Variants in FBXO34 observed in about 807,000 individuals in gnomAD.
The protein encoded by FBXO34 is F-box protein 34, also known as F-box only protein 34.
Under a neutral mutation model 24.5 loss-of-function variants are expected in FBXO34, and 12 were observed. That is an observed-to-expected ratio of 0.49 (90% CI 0.31 to 0.79). The LOEUF (loss-of-function observed/expected upper bound fraction) is 0.79, where lower values mean the gene tolerates loss of function less well. Ranked by LOEUF, FBXO34 falls within the 30% of genes least tolerant of loss-of-function variation. FBXO34 has a pLI of 0.04. For synonymous variants in FBXO34, 320 were observed against 311.9 expected, an observed-to-expected ratio of 1.03 and a Z score of -0.27; for missense variants, 823 against 857.7, an observed-to-expected ratio of 0.96 and a Z score of 0.51.
At chr14:55,404,798 A>G in the FBXO34 span, among the ~76,000 whole-genome samples, 1 of 152,226 alleles carries the variant, frequency 6.6e-6, no homozygotes, top group Non-Finnish European at 1.5e-5. Flanking sequence ...ACACACATGC[A>G]GAGTATAAAA....
chr14:55,336,455 A>G (rs1883777344), intron 1 of FBXO34, among the ~76,000 whole-genome samples: 2 of 152,172 alleles, frequency 1.3e-5, no homozygotes, highest in South Asian at 2.1e-4. Context: ...CCTAACTCCA[A>G]ATCGGACAGT....
At chr14:55,382,677 T>C in the FBXO34 span, among the ~76,000 whole-genome samples, 3 of 152,120 alleles carry the variant, frequency 2.0e-5, no homozygotes, top group African/African-American at 7.2e-5. Context: ...TATACGTAGA[T>C]AAGAGCTTGC....
chr14:55,339,269 A>AT (rs1883902794), intron 1 of FBXO34, among the ~76,000 whole-genome samples: 1 of 152,156 alleles, frequency 6.6e-6, no homozygotes, highest in Non-Finnish European at 1.5e-5. Flanking sequence ...TCTCCCTGTG[A>AT]TAAAAAGTAC....
intron 1 of FBXO34, among the ~76,000 whole-genome samples, chr14:55,346,476 G>A (rs1212388195): frequency 6.6e-6 from 1 of 152,210 alleles, no homozygotes; most frequent in African/African-American, 2.4e-5. Flanking sequence ...TTGATTTTGA[G>A]ATTCTTTTTG....
intron 1 of FBXO34, among the ~76,000 whole-genome samples, chr14:55,337,310 A>G (rs921139679): frequency 6.6e-6 from 1 of 152,140 alleles, no homozygotes; most frequent in African/African-American, 2.4e-5. Context: ...ATTTTCTTCT[A>G]TTCTCTAGCA....
intron 1 of FBXO34, among the ~76,000 whole-genome samples, chr14:55,343,676 T>C (rs1884064815): frequency 6.6e-6 from 1 of 152,214 alleles, no homozygotes. Context: ...TCTAACTTGT[T>C]TTGATAAGCA....
chr14:55,387,815 C>T, the FBXO34 span, among the ~76,000 whole-genome samples: 38 of 152,172 alleles, frequency 2.5e-4, no homozygotes, highest in East Asian at 1.2e-3. Context: ...ATTACAGGCA[C>T]ACACCACCAC....
At chr14:55,363,137 G>A (rs984011062), downstream of FBXO34, among the ~76,000 whole-genome samples, 2 of 148,402 alleles carry the variant, frequency 1.3e-5, no homozygotes, top group African/African-American at 2.5e-5. Flanking sequence ...ATTCTCCCGC[G>A]TCAGACTCCT....
intron 1 of FBXO34, among the ~76,000 whole-genome samples, chr14:55,330,884 C>T (rs917063126): frequency 6.6e-6 from 1 of 152,194 alleles, no homozygotes; most frequent in Non-Finnish European, 1.5e-5. Flanking sequence ...ATCTGTCTCT[C>T]AGCTAGAACA....
At chr14:55,308,495 G>C (rs1882629088) in intron 1 of FBXO34, among the ~76,000 whole-genome samples, 1 of 152,074 alleles carries the variant, frequency 6.6e-6, no homozygotes. Flanking sequence ...TCCATAGTCG[G>C]GTTAATTATC....
chr14:55,427,070 G>A, the FBXO34 span, among the ~76,000 whole-genome samples: 1 of 152,216 alleles, frequency 6.6e-6, no homozygotes, highest in Non-Finnish European at 1.5e-5. Flanking sequence ...ATAGGCTGGA[G>A]GCTCGTGACT....
At chr14:55,419,030 C>T in the FBXO34 span, among the ~76,000 whole-genome samples, 25 of 152,342 alleles carry the variant, frequency 1.6e-4, no homozygotes, top group Non-Finnish European at 3.5e-4. Flanking sequence ...CCAGTCCATC[C>T]TTTTAGCCAC....
chr14:55,442,919 G>C, the FBXO34 span, among the ~76,000 whole-genome samples: 5 of 152,190 alleles, frequency 3.3e-5, no homozygotes, highest in Non-Finnish European at 7.3e-5. Context: ...GCCAGGTGAG[G>C]ATGCAGTGAG....
chr14:55,364,845 T>C (rs1884645506), downstream of FBXO34, among the ~76,000 whole-genome samples: 1 of 150,420 alleles, frequency 6.6e-6, no homozygotes, highest in Non-Finnish European at 1.5e-5. Flanking sequence ...CATGTGATCC[T>C]CCCAGCTCAA....
At chr14:55,277,311 A>G (rs2139630543) in intron 1 of FBXO34, among the ~76,000 whole-genome samples, 1 of 152,144 alleles carries the variant, frequency 6.6e-6, no homozygotes, top group South Asian at 2.1e-4. Flanking sequence ...TTGCTATATG[A>G]TTTAATTTTT....
intron 1 of FBXO34, among the ~76,000 whole-genome samples, chr14:55,290,170 T>A (rs1881896644): frequency 6.6e-6 from 1 of 151,832 alleles, no homozygotes; most frequent in Admixed American, 6.6e-5. Context: ...GGCGGGCGGA[T>A]CCCACTTGAG....
the FBXO34 span, among the ~76,000 whole-genome samples, chr14:55,394,633 C>G: frequency 3.9e-5 from 6 of 152,240 alleles, no homozygotes; most frequent in South Asian, 1.2e-3. Context: ...AGGACTACCA[C>G]GACCAAAGAG....
the FBXO34 span, among the ~76,000 whole-genome samples, chr14:55,429,766 C>CAAAAAAAAAAA: frequency 1.5e-3 from 79 of 52,262 alleles, 1 homozygote; most frequent in Non-Finnish European, 2.1e-3. Flanking sequence ...AACTCCGTCT[C>CAAAAAAAAAAA]AAAAAAAAAA....
chr14:55,299,316 A>C, intron 1 of FBXO34: 1 of 611,340 alleles, frequency 1.6e-6, no homozygotes, highest in Non-Finnish European at 3.0e-6. Flanking sequence ...ATCGCTCTCG[A>C]CTCTCACTCC....
Sources: gnomAD v4.1 joint callset for allele counts (sites outside exome capture counted in the v4.1 genomes callset) on GRCh38, gnomAD v4.1.1 for gene constraint, MANE v1.5 for transcripts, NCBI Gene and HGNC (gene_info 2026-07-23, HGNC 2026-07-21) for gene names.